CCP110: variants seen among roughly 807,000 people sequenced by gnomAD.
CCP110 encodes the protein centriolar coiled-coil protein 110, also known as centriolar coiled-coil protein of 110 kDa.
A neutral mutation model predicts 105.5 loss-of-function variants in CCP110; 43 were observed. The ratio of observed to expected loss-of-function variants is 0.41; its 90% confidence interval spans 0.32 to 0.53. The LOEUF (loss-of-function observed/expected upper bound fraction) is 0.53, where lower values mean the gene tolerates loss of function less well. CCP110 is among the 20% of genes least tolerant of loss of function. The probability of loss-of-function intolerance (pLI) is 0.32; values close to 1 mark genes in which losing one functional copy is unlikely to be tolerated. For missense variants in CCP110, 1,016 were observed against 1,189.1 expected (o/e 0.85, Z 2.14); for synonymous variants, 353 against 392.1 (o/e 0.90, Z 1.18).
At chr16:19,546,158 G>A (rs1970450927) in intron 11 of CCP110, 1 of 521,784 alleles carries the variant, frequency 1.9e-6, no homozygotes, top group Non-Finnish European at 3.3e-6. Context: ...TTTATATTCA[G>A]TGCCTAAATA....
At chr16:19,533,626 T>C (rs1395974598) in intron 3 of CCP110, among the ~76,000 whole-genome samples, 1 of 152,168 alleles carries the variant, frequency 6.6e-6, no homozygotes, top group African/African-American at 2.4e-5. Flanking sequence ...GCATTTTACA[T>C]AGGATAAAGT....
chr16:19,546,579 G>A (rs1260497000), intron 12 of CCP110, 105 bp downstream of exon 12: 13 of 635,326 alleles, frequency 2.0e-5, no homozygotes, highest in Non-Finnish European at 3.6e-5. Context: ...AACTTTGGGA[G>A]GCCAAGACGG....
chr16:19,529,929 C>G (rs1427457357), intron 2 of CCP110, among the ~76,000 whole-genome samples: 1 of 152,104 alleles, frequency 6.6e-6, no homozygotes, highest in Admixed American at 6.5e-5. Context: ...TGGTGCCTCA[C>G]GCCTATAATC....
chr16:19,540,646 T>C lies in CCP110; in HGVS notation c.1919-11T>C, dbSNP rs775291745. On this transcript the variant is annotated splice_polypyrimidine_tract_variant and intron_variant, in intron 4 of 14. Coordinates refer to ENST00000381396, the Ensembl canonical transcript of CCP110. The stretch of plus-strand genomic sequence containing the variant: ...GAATTTTCTAAATTGAGGAAACATG[T>C]TTCTTTTCAGAAAGCGAGGAGTTAC... 1 of 1,606,068 alleles carries C rather than the reference T, an allele frequency of 6.2e-7. No homozygotes were observed. Among genetic ancestry groups the C allele is most frequent in the Non-Finnish European group, 8.5e-7 (1 of 1,175,998 alleles).
exon 4 of CCP110, chr16:19,536,320 A>C (rs1970055147): frequency 1.2e-6 from 2 of 1,613,042 alleles, no homozygotes; most frequent in Non-Finnish European, 1.7e-6. Context: ...CACTTTTGGC[A>C]GAAGTCATCC....
chr16:19,534,813 T>A (rs1165078514), intron 3 of CCP110, among the ~76,000 whole-genome samples: 1 of 151,672 alleles, frequency 6.6e-6, no homozygotes, highest in African/African-American at 2.4e-5. Flanking sequence ...AGGAGAGCCA[T>A]GTGGTCTAGA....
intron 11 of CCP110, chr16:19,546,160 G>A: frequency 1.9e-6 from 1 of 521,172 alleles, no homozygotes. Context: ...TATATTCAGT[G>A]CCTAAATATA....
intron 7 of CCP110, 33 bp downstream of exon 7, chr16:19,542,793 C>A: frequency 6.3e-7 from 1 of 1,588,644 alleles, no homozygotes. Flanking sequence ...GTCCATCTAT[C>A]TATTTATCTT....
exon 4 of CCP110, chr16:19,536,104 T>C: frequency 6.2e-7 from 1 of 1,614,100 alleles, no homozygotes; most frequent in Non-Finnish European, 8.5e-7. Context: ...TAGCTGGGAT[T>C]TTGCCATTGG....
chr16:19,532,219 C>T (rs988240799), intron 2 of CCP110, among the ~76,000 whole-genome samples, 197 bp from the exon 3 acceptor site: 2 of 152,138 alleles, frequency 1.3e-5, no homozygotes, highest in Non-Finnish European at 2.9e-5. Flanking sequence ...ATAACTCACA[C>T]CCACACAGGA....
intron 6 of CCP110, 84 bp from the exon 7 acceptor site, chr16:19,542,537 T>C (rs1172779332): frequency 9.8e-7 from 1 of 1,015,930 alleles, no homozygotes; most frequent in Non-Finnish European, 1.5e-6. Flanking sequence ...TTATTCTTAA[T>C]GAGTGTCACA....
At chr16:19,543,270 TCTTTA>T (rs1567362791) in intron 8 of CCP110, among the ~76,000 whole-genome samples, 1 of 152,252 alleles carries the variant, frequency 6.6e-6, no homozygotes, top group African/African-American at 2.4e-5. Context: ...CTTACTCCTG[TCTTTA>T]CTTCAATTGC....
chr16:19,540,815 G>A, intron 5 of CCP110, 28 bp downstream of exon 5: 1 of 1,597,576 alleles, frequency 6.3e-7, no homozygotes, highest in Non-Finnish European at 8.5e-7. Context: ...AGATACAACT[G>A]GTAAGTGAAA....
intron 5 of CCP110, among the ~76,000 whole-genome samples, chr16:19,541,368 C>T (rs1414874751): frequency 6.6e-6 from 1 of 152,034 alleles, no homozygotes; most frequent in Non-Finnish European, 1.5e-5. Flanking sequence ...CGTGGTGGCT[C>T]ACGCCTGTAA....
intron 6 of CCP110, 80 bp from the exon 7 acceptor site, chr16:19,542,541 T>A: frequency 1.9e-6 from 2 of 1,050,274 alleles, no homozygotes; most frequent in Non-Finnish European, 2.8e-6. Flanking sequence ...TCTTAATGAG[T>A]GTCACAAGTG....
intron 14 of CCP110, 58 bp from the exon 14 acceptor site, chr16:19,551,138 G>T (rs952178444): frequency 1.0e-6 from 1 of 973,308 alleles, no homozygotes; most frequent in Non-Finnish European, 1.7e-6. Flanking sequence ...CTCATTAAAT[G>T]GTATCATTAT....
At chr16:19,544,095 T>C (rs1468701203) in intron 8 of CCP110, among the ~76,000 whole-genome samples, 4 of 152,202 alleles carry the variant, frequency 2.6e-5, no homozygotes, top group African/African-American at 9.7e-5. Flanking sequence ...GTGGGCATCA[T>C]GGTCCTACCA....
At chr16:19,533,725 A>G (rs1969954757) in intron 3 of CCP110, among the ~76,000 whole-genome samples, 1 of 152,182 alleles carries the variant, frequency 6.6e-6, no homozygotes, top group South Asian at 2.1e-4. Context: ...ATCTTGTCAG[A>G]GTGAAATTCA....
intron 9 of CCP110, 90 bp from the exon 10 acceptor site, chr16:19,545,004 T>C: frequency 2.0e-6 from 2 of 989,504 alleles, no homozygotes; most frequent in South Asian, 3.0e-5. Context: ...TTTAATCTTT[T>C]TCTATAAATA....
Sources: allele counts gnomAD v4.1 joint callset (sites outside exome capture counted in the v4.1 genomes callset), GRCh38; gene constraint gnomAD v4.1.1; transcripts MANE v1.5; gene names NCBI Gene and HGNC (gene_info 2026-07-23, HGNC 2026-07-21).